The following SLC2A5 variants were observed in gnomAD, a reference collection of about 807,000 sequenced individuals.
SLC2A5 encodes solute carrier family 2 member 5, also known as solute carrier family 2, facilitated glucose transporter member 5.
SLC2A5 carries 56 observed loss-of-function variants against 50.3 expected under a neutral mutation model. The observed-to-expected ratio is 1.11, with a 90% confidence interval of 0.90 to 1.39. The LOEUF is 1.39. Among genes scored for constraint, SLC2A5 ranks in the 40% most tolerant of loss-of-function variants. SLC2A5 has a pLI of 0.00. For missense variants in SLC2A5, 566 were observed against 650.1 expected (o/e 0.87, Z 1.41); for synonymous variants, 269 against 281.9 (o/e 0.95, Z 0.46).
At chr1:9,043,179 C>T (rs961546517) in intron 4 of SLC2A5, among the ~76,000 whole-genome samples, 7 of 152,082 alleles carry the variant, frequency 4.6e-5, no homozygotes, top group Admixed American at 6.6e-5. Context: ...GGCTCAGGGA[C>T]GTGGGTCTCT....
chr1:9,051,541 A>G (rs1037774126), intron 3 of SLC2A5, among the ~76,000 whole-genome samples: 22 of 152,198 alleles, frequency 1.4e-4, no homozygotes, highest in African/African-American at 5.3e-4. Context: ...TAAGCATATG[A>G]AAAGGTGCAC....
At chr1:9,093,108 C>T (rs573957058), upstream of SLC2A5, among the ~76,000 whole-genome samples, 28 of 152,184 alleles carry the variant, frequency 1.8e-4, no homozygotes, top group African/African-American at 5.8e-4. Context: ...TTTGGGAATA[C>T]GCCGACAAAT....
chr1:9,053,090 A>G (rs775727903), intron 3 of SLC2A5, among the ~76,000 whole-genome samples: 1 of 98,008 alleles, frequency 1.0e-5, no homozygotes, highest in African/African-American at 4.1e-5. Context: ...TTAATATATA[A>G]TATATATTTA....
chr1:9,041,054 T>G (rs1402894533), intron 5 of SLC2A5: 10 of 228,602 alleles, frequency 4.4e-5, no homozygotes, highest in Non-Finnish European at 8.4e-6. Flanking sequence ...TAAAAAAGAC[T>G]TGGCACTTGG....
chr1:9,071,352 G>A (rs1444121306), upstream of SLC2A5, among the ~76,000 whole-genome samples: 1 of 152,210 alleles, frequency 6.6e-6, no homozygotes, highest in Non-Finnish European at 1.5e-5. Context: ...GGAGGTTGCA[G>A]CGCACCTAGA....
intron 3 of SLC2A5, among the ~76,000 whole-genome samples, chr1:9,056,604 C>A (rs531032766): frequency 6.6e-5 from 10 of 152,042 alleles, no homozygotes; most frequent in Admixed American, 3.9e-4. Flanking sequence ...CATCCCTAGA[C>A]GGGTTGGACA....
At chr1:9,056,181 G>A (rs1641745330) in intron 3 of SLC2A5, among the ~76,000 whole-genome samples, 1 of 152,034 alleles carries the variant, frequency 6.6e-6, no homozygotes, top group Non-Finnish European at 1.5e-5. Context: ...CTGCAGCGGT[G>A]TTTTTTGTTT....
intron 1 of SLC2A5, among the ~76,000 whole-genome samples, chr1:9,060,237 ACCCCCC>A (rs1641892499): frequency 6.2e-5 from 2 of 32,216 alleles, no homozygotes; most frequent in African/African-American, 2.8e-4. Flanking sequence ...ATACACACAC[ACCCCCC>A]ATGTACACAC....
intron 2 of SLC2A5, among the ~76,000 whole-genome samples, 199 bp from the exon 3 acceptor site, chr1:9,057,807 C>G (rs1641801599): frequency 6.6e-6 from 1 of 152,156 alleles, no homozygotes; most frequent in Admixed American, 6.5e-5. Context: ...GGAAGCCTCT[C>G]AGCAGCAAAC....
upstream of SLC2A5, among the ~76,000 whole-genome samples, chr1:9,092,021 C>T (rs12738912): frequency 0.13 from 19,961 of 152,192 alleles, 1,450 homozygotes; most frequent in Middle Eastern, 0.21. Flanking sequence ...GGCTATCTCA[C>T]GGCTCAGGGA....
At chr1:9,039,457 G>T in intron 8 of SLC2A5, 95 bp downstream of exon 8, 1 of 858,352 alleles carries the variant, frequency 1.2e-6, no homozygotes, top group South Asian at 1.8e-5. Flanking sequence ...TCCACGTTTT[G>T]GGGCCACGGG....
At position 9,063,609 on chromosome 1, in the gene SLC2A5, G is replaced by A. The variant is rs544691343; in HGVS notation, c.34-5359C>T. On this transcript the variant is annotated intron_variant, in intron 1 of 11. Coordinates refer to ENST00000377424, the MANE Select transcript of SLC2A5 (RefSeq NM_003039.3). ...GCTGGTCTCAAACTCCTGACCTCAA[G>A]TGATCCACCTGCCTTGGGCTCCTAG... Among the ~76,000 whole-genome samples, 5 of 149,046 alleles carry A rather than the reference G, an allele frequency of 3.4e-5. No individual in the cohort carries two copies. The South Asian group carries it at 1.1e-3, about 32-fold the overall frequency.
chr1:9,044,944 G>A (rs534149611), intron 4 of SLC2A5, among the ~76,000 whole-genome samples: 2 of 152,244 alleles, frequency 1.3e-5, no homozygotes, highest in East Asian at 3.9e-4. Context: ...AAAACTGTTG[G>A]CAAATGGATT....
chr1:9,057,080 T>C (rs957806329), intron 3 of SLC2A5, among the ~76,000 whole-genome samples: 2 of 151,988 alleles, frequency 1.3e-5, no homozygotes, highest in Admixed American at 1.3e-4. Context: ...TCACCTGAGG[T>C]CAGGAGTTTG....
chr1:9,076,214 C>G (rs1298734970), intron 2 of SLC2A5, among the ~76,000 whole-genome samples: 1 of 152,130 alleles, frequency 6.6e-6, no homozygotes, highest in East Asian at 1.9e-4. Flanking sequence ...CCTCGGCCTC[C>G]CAAAGTGCTG....
intron 1 of SLC2A5, among the ~76,000 whole-genome samples, chr1:9,067,846 A>C (rs76870406): frequency 0.039 from 5,896 of 152,202 alleles, 368 homozygotes; most frequent in African/African-American, 0.13. Flanking sequence ...TGCCAAATGG[A>C]AATCACGCGG....
chr1:9,083,926 C>T (rs1401455398), intron 2 of SLC2A5, among the ~76,000 whole-genome samples: 6 of 152,050 alleles, frequency 3.9e-5, no homozygotes, highest in African/African-American at 9.7e-5. Flanking sequence ...GGGCGGATCA[C>T]GAGGTCAGGA....
chr1:9,063,030 G>A (rs773931148), intron 1 of SLC2A5, among the ~76,000 whole-genome samples: 2 of 152,126 alleles, frequency 1.3e-5, no homozygotes, highest in Non-Finnish European at 2.9e-5. Context: ...GGACTACTGA[G>A]GATGCAAATT....
At chr1:9,093,978 C>T in the SLC2A5 span, among the ~76,000 whole-genome samples, 3 of 152,140 alleles carry the variant, frequency 2.0e-5, no homozygotes, top group African/African-American at 7.2e-5. Flanking sequence ...GATTACAACT[C>T]CCTAGAACAC....
Sources: gnomAD v4.1 joint callset for allele counts (sites outside exome capture counted in the v4.1 genomes callset) on GRCh38, gnomAD v4.1.1 for gene constraint, MANE v1.5 for transcripts, NCBI Gene and HGNC (gene_info 2026-07-23, HGNC 2026-07-21) for gene names.